PAICS: variants seen among roughly 807,000 people sequenced by gnomAD.
PAICS encodes phosphoribosylaminoimidazole carboxylase and phosphoribosylaminoimidazolesuccinocarboxamide synthase, also known as bifunctional phosphoribosylaminoimidazole carboxylase/phosphoribosylaminoimidazole succinocarboxamide synthetase.
A neutral mutation model predicts 53.7 loss-of-function variants in PAICS; 33 were observed. That is an observed-to-expected ratio of 0.61 (90% CI 0.47 to 0.82). The LOEUF (loss-of-function observed/expected upper bound fraction) is 0.82. PAICS is among the 40% of genes least tolerant of loss of function. PAICS has a pLI of 0.00. For missense variants in PAICS, 394 were observed against 494.1 expected, an observed-to-expected ratio of 0.80 and a Z score of 1.92; for synonymous variants, 141 against 167.2, an observed-to-expected ratio of 0.84 and a Z score of 1.21.
chr4:56,446,831 A>C lies in PAICS; in HGVS notation c.351A>C (p.Glu117Asp). 1 of 1,610,780 alleles carries C rather than the reference A, an allele frequency of 6.2e-7. No homozygotes were observed. The highest frequency in any genetic ancestry group is 8.5e-7 in the Non-Finnish European group (1 of 1,178,222). ...SFLKRNPGVK[E>D]GYKFYPPKVE... Reference sequence around the variant, plus strand: ...TCAAAAGAAATCCTGGTGTCAAGGAAGGATATAAGTTTTACCCACCTAAAG... The same window carrying C: ...TCAAAAGAAATCCTGGTGTCAAGGACGGATATAAGTTTTACCCACCTAAAG... Residue 117 changes from glutamate to aspartate, a missense_variant, in exon 3 of 9, where the codon GAA (glutamate) becomes GAC (aspartate). Physicochemically the swap from Glu to Asp is conservative, Grantham distance 45. Coordinates refer to ENST00000512576, the MANE Select transcript of PAICS (RefSeq NM_001079524.2).
At chr4:56,411,083 T>A in the PAICS span, among the ~76,000 whole-genome samples, 2 of 152,156 alleles carry the variant, frequency 1.3e-5, no homozygotes, top group Non-Finnish European at 2.9e-5. Flanking sequence ...AGAATTTTTT[T>A]AAAAAGAGGT....
In PAICS at chr4:56,453,751, AC is replaced by A; in HGVS notation, c.1102del (p.Leu368TyrfsTer26). 1 of 1,545,540 alleles carries A rather than the reference AC, an allele frequency of 6.5e-7. No homozygotes were observed. The highest frequency in any genetic ancestry group is 1.4e-5 in the African/African-American group (1 of 73,102). ...GVQDVWSSLR[L>X]PSGLGCSTVL... ...TTCAGGATGTGTGGTCTTCTCTTCGACTACCCAGTGGTAAGATACATTGAAT... is the reference window on the plus strand; with the variant it reads ...TTCAGGATGTGTGGTCTTCTCTTCGATACCCAGTGGTAAGATACATTGAAT... On this transcript the variant is annotated frameshift_variant, in exon 8 of 9. Transcript: ENST00000512576. LOFTEE classifies it high-confidence loss of function.
chr4:56,444,205 C>T (rs1022277466), intron 2 of PAICS, among the ~76,000 whole-genome samples: 1 of 152,044 alleles, frequency 6.6e-6, no homozygotes, highest in South Asian at 2.1e-4. Context: ...TTCTACTTTT[C>T]TCATTGTCAC....
At chr4:56,458,940 G>A (rs956598803) in intron 8 of PAICS, among the ~76,000 whole-genome samples, 1 of 152,192 alleles carries the variant, frequency 6.6e-6, no homozygotes, top group African/African-American at 2.4e-5. Flanking sequence ...TTCAAATGCA[G>A]ATAGAAAGAT....
the PAICS span, among the ~76,000 whole-genome samples, chr4:56,417,582 A>G: frequency 5.3e-5 from 8 of 152,136 alleles, no homozygotes; most frequent in Non-Finnish European, 5.9e-5. Context: ...GGAGTTCGAG[A>G]CTAGCCTGGG....
the PAICS span, among the ~76,000 whole-genome samples, chr4:56,415,587 T>G: frequency 1.9e-4 from 29 of 152,188 alleles, no homozygotes; most frequent in African/African-American, 6.8e-4. Flanking sequence ...TTCTGGAAAC[T>G]TTAATATGTA....
the PAICS span, among the ~76,000 whole-genome samples, chr4:56,428,593 T>C: frequency 1.3e-5 from 2 of 152,136 alleles, no homozygotes; most frequent in Non-Finnish European, 2.9e-5. Flanking sequence ...CTCTCAGAAC[T>C]GCCAAATGGA....
Position 56,463,440 on chromosome 4 carries a change from T to A in PAICS, c.*3902T>A, listed in dbSNP as rs1719581683. ...TGGGTGCAGTGGCTCACGCCTGTAATCCCAGCACTTTGGGAGGGTGAGGTG... is the reference window on the plus strand; with the variant it reads ...TGGGTGCAGTGGCTCACGCCTGTAAACCCAGCACTTTGGGAGGGTGAGGTG... On this transcript the variant is annotated 3_prime_UTR_variant, in exon 9 of 9. Transcript: ENST00000512576. 6.6e-6 allele frequency: 1 copy of A among 151,892 alleles called. No homozygotes were observed. Among genetic ancestry groups the A allele is most frequent in the South Asian group, 2.1e-4 (1 of 4,818 alleles). 9.4% of individuals were successfully genotyped at this position (151,892 alleles called of 1,614,324 possible).
the PAICS span, among the ~76,000 whole-genome samples, chr4:56,413,444 C>G: frequency 2.7e-4 from 41 of 152,282 alleles, no homozygotes; most frequent in Non-Finnish European, 1.5e-5. Flanking sequence ...CCTGAGGCAC[C>G]ATGTCTGGCC....
At chr4:56,420,740 A>T in the PAICS span, 2 of 152,246 alleles carry the variant, frequency 1.3e-5, no homozygotes, top group African/African-American at 4.8e-5. Context: ...ACTTAGAAAA[A>T]TATAAAATAC....
At chr4:56,416,280 G>C in the PAICS span, 40 of 167,450 alleles carry the variant, frequency 2.4e-4, no homozygotes, top group African/African-American at 9.6e-4. Flanking sequence ...TCAAGAATAT[G>C]ACCACATTTA....
the PAICS span, chr4:56,421,690 G>A: frequency 2.0e-5 from 3 of 152,302 alleles, no homozygotes; most frequent in South Asian, 2.1e-4. Context: ...AAAATATTTC[G>A]CTGGTGGACA....
chr4:56,454,207 T>C (rs1395971221), intron 8 of PAICS, among the ~76,000 whole-genome samples: 2 of 152,112 alleles, frequency 1.3e-5, no homozygotes, highest in South Asian at 2.1e-4. Context: ...TAGTAGGTGA[T>C]TGGTGGAAGG....
At chr4:56,451,506 C>T (rs1718915636) in intron 6 of PAICS, among the ~76,000 whole-genome samples, 1 of 152,150 alleles carries the variant, frequency 6.6e-6, no homozygotes, top group Non-Finnish European at 1.5e-5. Context: ...AGACTTAGAA[C>T]ATGACTTCTG....
At chr4:56,431,921 A>G (rs1717603613), upstream of PAICS, among the ~76,000 whole-genome samples, 1 of 152,232 alleles carries the variant, frequency 6.6e-6, no homozygotes, top group African/African-American at 2.4e-5. Flanking sequence ...ATGCATGCAC[A>G]GTTTACAGCT....
intron 5 of PAICS, among the ~76,000 whole-genome samples, chr4:56,450,011 G>T (rs1409511488): frequency 1.3e-5 from 2 of 151,460 alleles, no homozygotes; most frequent in African/African-American, 4.9e-5. Context: ...ATGAGATCAT[G>T]TCCTTTGCAG....
chr4:56,431,941 T>C (rs1717604698), upstream of PAICS, among the ~76,000 whole-genome samples: 1 of 152,164 alleles, frequency 6.6e-6, no homozygotes, highest in South Asian at 2.1e-4. Context: ...TAAGAGGACA[T>C]GTGAAAATTC....
At chr4:56,436,008 G>A, upstream of PAICS, 3 of 1,516,748 alleles carry the variant, frequency 2.0e-6, no homozygotes, top group African/African-American at 1.4e-5. Flanking sequence ...GGGAGGGGCC[G>A]CCAGTGCGCG....
the PAICS span, chr4:56,416,430 TG>T: frequency 1.4e-6 from 1 of 705,668 alleles, no homozygotes; most frequent in Non-Finnish European, 1.7e-6. Flanking sequence ...GTCAGACCAA[TG>T]GAACTAGGTA....
Sources: gnomAD v4.1 joint callset for allele counts (sites outside exome capture counted in the v4.1 genomes callset) on GRCh38, gnomAD v4.1.1 for gene constraint, MANE v1.5 for transcripts, NCBI Gene and HGNC (gene_info 2026-07-23, HGNC 2026-07-21) for gene names.